Variants in ALX3 observed in about 807,000 individuals in gnomAD.
ALX3 encodes the protein homeobox protein aristaless-like 3.
In ALX3, 17 loss-of-function variants were observed where a neutral mutation model predicts 26.3. That is an observed-to-expected ratio of 0.65 (90% CI 0.44 to 0.97). The LOEUF (loss-of-function observed/expected upper bound fraction) is 0.97. Ranked by LOEUF, ALX3 falls within the 50% of genes least tolerant of loss-of-function variation. The pLI, the probability that ALX3 is intolerant of heterozygous loss-of-function variation, is 0.00. For missense variants in ALX3, 461 were observed against 466.5 expected (o/e 0.99, Z 0.11); for synonymous variants, 208 against 201.4 (o/e 1.03, Z -0.28).
intron 3 of ALX3, 156 bp downstream of exon 3, chr1:110,061,279 G>C (rs979053321): frequency 7.9e-7 from 1 of 1,270,822 alleles, no homozygotes; most frequent in Non-Finnish European, 1.1e-6. Flanking sequence ...CGTCATTCAT[G>C]AGACAGGCAA....
rs959523062 is a variant in ALX3, at chr1:110,060,020, T to TA, written c.*712dup. On this transcript the variant is annotated 3_prime_UTR_variant, in exon 4 of 4. Coordinates refer to ENST00000647563, the MANE Select transcript of ALX3 (RefSeq NM_006492.3). ...AGTCTGTAGAAATCTGTTTTATTCTTACCAACATCCAATATCATTTCCATG... is the reference window on the plus strand; with the variant it reads ...AGTCTGTAGAAATCTGTTTTATTCTTAACCAACATCCAATATCATTTCCATG... 4 of 152,140 alleles carry TA rather than the reference T, an allele frequency of 2.6e-5. No homozygotes were observed. The highest frequency in any genetic ancestry group is 5.9e-5 in the Non-Finnish European group (4 of 68,014). The allele number at this position is 152,140 out of a possible 1,614,324, so 9.4% of individuals were successfully genotyped here.
At chr1:110,061,250 T>C (rs1182940303) in intron 3 of ALX3, 185 bp downstream of exon 3, 222 of 1,120,712 alleles carry the variant, frequency 2.0e-4, no homozygotes, top group Non-Finnish European at 2.7e-4. Flanking sequence ...TCTTCTGTGA[T>C]TCCTTTGTGT....
intron 1 of ALX3, among the ~76,000 whole-genome samples, chr1:110,069,255 C>CA (rs1653862131): frequency 6.6e-6 from 1 of 152,272 alleles, no homozygotes; most frequent in Non-Finnish European, 1.5e-5. Flanking sequence ...CTACACATTC[C>CA]CACCGCCCCG....
intron 3 of ALX3, 24 bp downstream of exon 3, chr1:110,061,411 G>A (rs763479585): frequency 9.9e-6 from 16 of 1,614,224 alleles, no homozygotes; most frequent in Non-Finnish European, 1.4e-5. Flanking sequence ...CCAGGTCCTG[G>A]TTCAGGTAGG....
intron 1 of ALX3, among the ~76,000 whole-genome samples, chr1:110,068,081 G>A (rs963340476): frequency 6.6e-6 from 1 of 152,244 alleles, no homozygotes; most frequent in African/African-American, 2.4e-5. Context: ...TGGGTTCAGA[G>A]CAAGGCTGGG....
intron 1 of ALX3, among the ~76,000 whole-genome samples, chr1:110,068,457 G>A (rs1653840779): frequency 6.6e-6 from 1 of 152,224 alleles, no homozygotes; most frequent in Non-Finnish European, 1.5e-5. Context: ...AGAGGCTAGC[G>A]GCCGCCAGGA....
In ALX3 at chr1:110,060,930, C is replaced by T. The variant is rs1403546626; in HGVS notation, c.835G>A (p.Gly279Arg). ...ACCCCCATGAAGCCAGCCACACTCC[C>T]ATGGGGGTGGGAATATGGAGACATG... is the stretch of plus-strand genomic sequence containing the variant. Reference protein sequence around the residue: ...PCMSPYSHPHGSVAGFMGVPA... With the variant: ...PCMSPYSHPHRSVAGFMGVPA... Residue 279 changes from glycine (G) to arginine (R), a missense_variant, in exon 4 of 4, where the codon GGG becomes AGG. By Grantham distance (125) the Gly-to-Arg change is moderately radical (BLOSUM62 -2). Transcript: ENST00000647563. 6.2e-7 allele frequency: 1 copy of T among 1,613,384 alleles called. No homozygotes were observed. The highest frequency in any genetic ancestry group is 1.7e-5 in the Admixed American group (1 of 59,964).
Position 110,064,746 on chromosome 1 carries a change from C to T in ALX3, c.435G>A (p.Glu145=), listed in dbSNP as rs750516792. ...PLSPGLPDSM[E]LAKNKSKKRR... Reference sequence around the variant, plus strand: ...GCTTCTTGCTCTTGTTCTTGGCCAACTCCATGGAGTCAGGGAGTCCCGGGG... The same window carrying T: ...GCTTCTTGCTCTTGTTCTTGGCCAATTCCATGGAGTCAGGGAGTCCCGGGG... The change falls in exon 2 of 4, where the codon GAG becomes GAA. Residue 145 remains glutamate (E), a synonymous_variant. Coordinates refer to ENST00000647563, the MANE Select transcript of ALX3 (RefSeq NM_006492.3). 3 of 1,614,242 alleles carry T rather than the reference C, an allele frequency of 1.9e-6. No individual in the cohort carries two copies. Among genetic ancestry groups the T allele is most frequent in the African/African-American group, 1.3e-5 (1 of 75,070 alleles).
chr1:110,070,470 A>T lies in ALX3; in HGVS notation c.143T>A (p.Leu48Gln). Residue 48 changes from leucine to glutamine, a missense_variant, in exon 1 of 4, where the codon CTG becomes CAG. Around this residue, in one of 3 missense-constraint regions of ALX3, gnomAD observed 241 missense variants for 206.1 expected, o/e 1.17. Transcript: ENST00000647563. ...GGGCCCGCAGGCCGGAAAGCGGGTCAGCCGCGGGCCGCGGGGCGGCGCGGG... is the reference window on the plus strand; with the variant it reads ...GGGCCCGCAGGCCGGAAAGCGGGTCTGCCGCGGGCCGCGGGGCGGCGCGGG... ...LHPAPPRGPR[L>Q]TRFPACGPLE... 2 of 1,257,164 alleles carry T rather than the reference A, an allele frequency of 1.6e-6. No homozygotes were observed. Among genetic ancestry groups the T allele is most frequent in the Non-Finnish European group, 2.0e-6 (2 of 1,001,352 alleles). The allele number at this position is 1,257,164 out of a possible 1,614,324, so 77.9% of individuals were successfully genotyped here.
At chr1:110,069,009 G>A (rs538430259) in intron 1 of ALX3, among the ~76,000 whole-genome samples, 2 of 152,202 alleles carry the variant, frequency 1.3e-5, no homozygotes, top group African/African-American at 4.8e-5. Context: ...GCCTGGGGGG[G>A]TGGCTCCTGC....
rs769505099 is a variant in ALX3, at chr1:110,064,837, C to T, written c.344G>A (p.Arg115Lys). 3.1e-6 allele frequency: 5 copies of T among 1,613,406 alleles called. No homozygotes were observed. The South Asian group carries it at 4.4e-5, about 14-fold the overall frequency. Residue 115 changes from arginine to lysine, a missense_variant, in exon 2 of 4, where the codon AGA (arginine) becomes AAA (lysine). By Grantham distance (26) the Arg-to-Lys change is conservative. Transcript: ENST00000647563. Reference protein sequence around the residue: ...QLPLDCRGGPRDGPSNLQGSP... With the variant: ...QLPLDCRGGPKDGPSNLQGSP... Reference sequence around the variant, plus strand: ...GCCTTGCAAGTTAGAGGGCCCGTCTCTGGGGCCCCCTCGGCAGTCCAAGGG... The same window carrying T: ...GCCTTGCAAGTTAGAGGGCCCGTCTTTGGGGCCCCCTCGGCAGTCCAAGGG...
intron 2 of ALX3, chr1:110,061,818 C>G: frequency 1.8e-6 from 1 of 557,032 alleles, no homozygotes; most frequent in Non-Finnish European, 3.2e-6. Context: ...TCACTGTGGT[C>G]CTCCAGCCTG....
intron 1 of ALX3, among the ~76,000 whole-genome samples, chr1:110,068,257 G>C (rs929429614): frequency 1.3e-5 from 2 of 152,234 alleles, no homozygotes; most frequent in Non-Finnish European, 2.9e-5. Context: ...GAAACGCTCC[G>C]AGCCGGTTAT....
intron 1 of ALX3, among the ~76,000 whole-genome samples, chr1:110,069,983 G>T (rs927493211): frequency 3.0e-4 from 45 of 152,194 alleles, no homozygotes; most frequent in African/African-American, 1.0e-3. Flanking sequence ...GGGCTTCAGG[G>T]TAGGTGGCAG....
chr1:110,061,379 CAT>C lies in ALX3; in HGVS notation c.723+54_723+55del, dbSNP rs1390831962. The C allele has an allele frequency of 4.2e-5, 67 of 1,613,858 alleles. 1 individual carries two copies. In the South Asian group the frequency reaches 6.5e-4, roughly 16 times the overall value. On this transcript the variant is annotated intron_variant, in intron 3 of 3. Coordinates refer to ENST00000647563, the MANE Select transcript of ALX3 (RefSeq NM_006492.3). ...CTCCAGGTTTCTTCAGGCCAGACCT[CAT>C]ATTCTTTTTGGTGACCCTGCCAGGT...
Position 110,061,025 on chromosome 1 carries a change from C to A in ALX3, c.740G>T (p.Trp247Leu). ...DSHPQLQNSL[W>L]ASPGSGSPGG... ...AGGGCTCCCAGATCCTGGACTGGCC[C>A]ACAGGGAGTTCTGCAGCTGAAAAGA... The change falls in exon 4 of 4, where the codon TGG becomes TTG. Residue 247 changes from tryptophan (W) to leucine (L), a missense_variant. By Grantham distance (61) the Trp-to-Leu change is moderately conservative. This residue lies in a region of ALX3 where 169 missense variants were observed against 178.0 expected (regional missense o/e 0.95). Transcript: ENST00000647563. 1 of 1,609,282 alleles carries A rather than the reference C, an allele frequency of 6.2e-7. No homozygotes were observed. The highest frequency in any genetic ancestry group is 1.1e-5 in the South Asian group (1 of 90,392).
intron 2 of ALX3, 140 bp from the exon 3 acceptor site, chr1:110,061,703 A>G (rs1653651290): frequency 3.0e-6 from 4 of 1,325,626 alleles, no homozygotes; most frequent in Non-Finnish European, 4.1e-6. Context: ...GTTAATCCAC[A>G]CTGTTCTCCA....
At position 110,061,534 on chromosome 1, in the gene ALX3, C is replaced by T; in HGVS notation, c.624G>A (p.Trp208Ter). ...TCTTCCCATAACGCTCGCGCTTCCGCCACTTGGCTCTGCGGTTCTGGAACC... is the reference window on the plus strand; with the variant it reads ...TCTTCCCATAACGCTCGCGCTTCCGTCACTTGGCTCTGCGGTTCTGGAACC... ...QVWFQNRRAK[W>*]RKRERYGKIQ... Residue 208 changes from tryptophan (W) to a stop codon, truncating the protein, a stop_gained, in exon 3 of 4, where the codon TGG (tryptophan) becomes TGA (stop). Transcript: ENST00000647563. LOFTEE classifies it high-confidence loss of function. The T allele has an allele frequency of 6.2e-7, 1 of 1,614,222 alleles. No individual in the cohort carries two copies. Among genetic ancestry groups the T allele is most frequent in the Non-Finnish European group, 8.5e-7 (1 of 1,180,028 alleles).
At chr1:110,066,104 G>A (rs1653774633) in intron 1 of ALX3, among the ~76,000 whole-genome samples, 1 of 152,238 alleles carries the variant, frequency 6.6e-6, no homozygotes. Flanking sequence ...TTGGTGTCAG[G>A]ATCACAGCTG....
Sources: gnomAD v4.1 joint callset for allele counts (sites outside exome capture counted in the v4.1 genomes callset) on GRCh38, gnomAD v4.1.1 for gene constraint, gnomAD v4.1.1 regional missense constraint, MANE v1.5 for transcripts, NCBI Gene and HGNC (gene_info 2026-07-23, HGNC 2026-07-21) for gene names.